Variants in C1QTNF3 observed in about 807,000 individuals in gnomAD.
C1QTNF3 encodes the protein complement C1q tumor necrosis factor-related protein 3.
C1QTNF3 carries 26 observed loss-of-function variants against 32.6 expected under a neutral mutation model. The ratio of observed to expected loss-of-function variants is 0.80; its 90% CI spans 0.58 to 1.11. C1QTNF3 has a LOEUF of 1.11. Ranked by LOEUF, C1QTNF3 falls within the 50% of genes least tolerant of loss-of-function variation. The pLI is 0.00. For synonymous variants in C1QTNF3, 155 were observed against 146.0 expected (o/e 1.06, Z -0.44); for missense variants, 362 against 398.2 (o/e 0.91, Z 0.77).
chr5:34,160,304 C>G, the C1QTNF3 span, among the ~76,000 whole-genome samples: 1 of 152,186 alleles, frequency 6.6e-6, no homozygotes, highest in Non-Finnish European at 1.5e-5. Context: ...TGTTTGAAAT[C>G]ATTAGTTTAT....
chr5:34,230,835 G>T, the C1QTNF3 span, among the ~76,000 whole-genome samples: 3 of 151,850 alleles, frequency 2.0e-5, no homozygotes, highest in Non-Finnish European at 2.9e-5. Context: ...CCATAACTAT[G>T]TCTATGTTCC....
At chr5:34,213,864 T>G in the C1QTNF3 span, among the ~76,000 whole-genome samples, 6 of 115,088 alleles carry the variant, frequency 5.2e-5, no homozygotes, top group African/African-American at 2.0e-4. Context: ...CAGGCTGGAG[T>G]GCAATGGCAT....
chr5:34,093,945 C>T, the C1QTNF3 span, among the ~76,000 whole-genome samples: 3 of 152,144 alleles, frequency 2.0e-5, no homozygotes, highest in Non-Finnish European at 4.4e-5. Flanking sequence ...ACCTGGCTCA[C>T]TCTTCAAGTG....
intron 4 of C1QTNF3, among the ~76,000 whole-genome samples, chr5:34,024,638 C>T (rs1306301947): frequency 1.3e-5 from 2 of 152,150 alleles, no homozygotes; most frequent in Non-Finnish European, 2.9e-5. Context: ...AGTCTGTATC[C>T]TCTTCATTTG....
the C1QTNF3 span, among the ~76,000 whole-genome samples, chr5:34,049,564 T>C: frequency 1.3e-5 from 2 of 152,156 alleles, no homozygotes; most frequent in East Asian, 1.9e-4. Context: ...ACAAGGCAAA[T>C]TGCATTTACA....
the C1QTNF3 span, among the ~76,000 whole-genome samples, chr5:34,060,565 G>A: frequency 6.6e-6 from 1 of 152,162 alleles, no homozygotes; most frequent in South Asian, 2.1e-4. Context: ...AAAGAAAGAG[G>A]TTTAATTGGA....
At chr5:34,040,989 C>T (rs2112123910) in intron 1 of C1QTNF3, among the ~76,000 whole-genome samples, 1 of 152,272 alleles carries the variant, frequency 6.6e-6, no homozygotes, top group Admixed American at 6.5e-5. Context: ...TTTATCTCTA[C>T]TACAGCCCTT....
the C1QTNF3 span, among the ~76,000 whole-genome samples, chr5:34,163,479 TG>T: frequency 0.13 from 12,901 of 100,764 alleles, 594 homozygotes; most frequent in Non-Finnish European, 0.15. Flanking sequence ...TTATTATGAT[TG>T]ATTATTTTAA....
At chr5:34,225,947 TCTC>T in the C1QTNF3 span, among the ~76,000 whole-genome samples, 2 of 151,982 alleles carry the variant, frequency 1.3e-5, no homozygotes, top group Non-Finnish European at 2.9e-5. Flanking sequence ...TTTAATTTTA[TCTC>T]CTATTTAATA....
At chr5:34,216,078 A>C in the C1QTNF3 span, among the ~76,000 whole-genome samples, 1 of 152,220 alleles carries the variant, frequency 6.6e-6, no homozygotes, top group African/African-American at 2.4e-5. Context: ...AACTGTGTGG[A>C]TAGTAAAACA....
At chr5:34,169,188 C>G in the C1QTNF3 span, 1 of 152,094 alleles carries the variant, frequency 6.6e-6, no homozygotes, top group Admixed American at 6.6e-5. Flanking sequence ...TTATAAATGA[C>G]CAGGTAGTAA....
chr5:34,208,291 C>A, the C1QTNF3 span, among the ~76,000 whole-genome samples: 13 of 152,322 alleles, frequency 8.5e-5, no homozygotes, highest in South Asian at 2.7e-3. Flanking sequence ...AATCTTCATT[C>A]TTCTTTTGTA....
the C1QTNF3 span, among the ~76,000 whole-genome samples, chr5:34,073,200 G>A: frequency 6.6e-6 from 1 of 151,974 alleles, no homozygotes; most frequent in Non-Finnish European, 1.5e-5. Flanking sequence ...GGTGGTGGGC[G>A]CCTGTAGTCC....
the C1QTNF3 span, among the ~76,000 whole-genome samples, chr5:34,053,001 A>T: frequency 6.6e-6 from 1 of 152,220 alleles, no homozygotes; most frequent in Non-Finnish European, 1.5e-5. Context: ...TGCAATTTTG[A>T]AGATATTTTC....
the C1QTNF3 span, among the ~76,000 whole-genome samples, chr5:34,056,473 TATATATAGAGAGAG>T: frequency 2.1e-4 from 22 of 106,968 alleles, no homozygotes; most frequent in Admixed American, 8.3e-4. Flanking sequence ...TATATATATA[TATATATAGAGAGAG>T]AGAGAGAGAG....
chr5:34,044,666 G>C (rs186197593), upstream of C1QTNF3, among the ~76,000 whole-genome samples: 17 of 152,242 alleles, frequency 1.1e-4, no homozygotes, highest in East Asian at 3.1e-3. Context: ...TTTGGTGCTG[G>C]GGACGGAGGG....
chr5:34,085,838 G>C, the C1QTNF3 span, among the ~76,000 whole-genome samples: 1 of 151,704 alleles, frequency 6.6e-6, no homozygotes, highest in Non-Finnish European at 1.5e-5. Flanking sequence ...TACACTGTTG[G>C]TGGGAGTGTA....
Position 34,023,908 on chromosome 5 carries a change from C to T in C1QTNF3, c.800+1G>A. On this transcript the variant is annotated splice_donor_variant, in intron 5 of 5. Transcript: ENST00000382065. LOFTEE classifies it high-confidence loss of function. ...GACCCATGACAGAAAAGACCACCCA[C>T]CTGTACATGCTGAAGACTGTGTTGC... The T allele has an allele frequency of 1.2e-6, 2 of 1,613,206 alleles. No homozygotes were observed. Among genetic ancestry groups the T allele is most frequent in the Non-Finnish European group, 1.7e-6 (2 of 1,179,194 alleles).
At chr5:34,227,582 G>GA in the C1QTNF3 span, among the ~76,000 whole-genome samples, 1,978 of 151,742 alleles carry the variant, frequency 0.013, 48 homozygotes, top group East Asian at 0.11. Context: ...ATATTTATAG[G>GA]AAAAAATCTA....
Sources: allele counts gnomAD v4.1 joint callset (sites outside exome capture counted in the v4.1 genomes callset), GRCh38; gene constraint gnomAD v4.1.1; transcripts MANE v1.5; gene names NCBI Gene and HGNC (gene_info 2026-07-23, HGNC 2026-07-21).